Variants in STK32B observed in about 807,000 individuals in gnomAD.
The protein encoded by STK32B is serine/threonine-protein kinase 32B.
A neutral mutation model predicts 52.6 loss-of-function variants in STK32B; 43 were observed. The observed-to-expected ratio is 0.82, with a 90% confidence interval of 0.64 to 1.05. The LOEUF is 1.05. Ranked by LOEUF, STK32B falls within the 50% of genes least tolerant of loss-of-function variation. The pLI, the probability that STK32B is intolerant of heterozygous loss-of-function variation, is 0.00. For missense variants in STK32B, 621 were observed against 534.6 expected (o/e 1.16, Z -1.59); for synonymous variants, 238 against 204.3 (o/e 1.17, Z -1.41).
chr4:5,030,381 G>A, the STK32B span, among the ~76,000 whole-genome samples: 1 of 152,180 alleles, frequency 6.6e-6, no homozygotes, highest in African/African-American at 2.4e-5. Context: ...GACCTAGCAT[G>A]GATACTGAAT....
intron 2 of STK32B, among the ~76,000 whole-genome samples, chr4:5,153,669 T>C (rs1388735251): frequency 6.6e-6 from 1 of 152,176 alleles, no homozygotes; most frequent in Non-Finnish European, 1.5e-5. Flanking sequence ...GCCACACCTA[T>C]ACACATCAAC....
intron 3 of STK32B, among the ~76,000 whole-genome samples, chr4:5,313,550 A>G (rs1730456528): frequency 6.6e-6 from 1 of 152,138 alleles, no homozygotes; most frequent in Non-Finnish European, 1.5e-5. Flanking sequence ...AGATTAGAAA[A>G]GAGAAAATAG....
intron 4 of STK32B, among the ~76,000 whole-genome samples, chr4:5,393,799 T>G (rs991139332): frequency 3.3e-5 from 5 of 152,130 alleles, no homozygotes; most frequent in Non-Finnish European, 1.5e-5. Flanking sequence ...ATCCAAACCC[T>G]ATCACTCACC....
chr4:5,083,927 G>T (rs1268801750), intron 1 of STK32B, among the ~76,000 whole-genome samples: 1 of 152,090 alleles, frequency 6.6e-6, no homozygotes, highest in Non-Finnish European at 1.5e-5. Context: ...GTAGAGATAG[G>T]GTTTTTACCT....
At position 5,123,897 on chromosome 4, in the gene STK32B, C is replaced by A. The variant is rs570326262; in HGVS notation, c.53-16008C>A. ...TCTCCTCATCCTCATGTCATTTCACCTTTTCACCATCCTCCCTCCTGCCTT... is the reference window on the plus strand; with the variant it reads ...TCTCCTCATCCTCATGTCATTTCACATTTTCACCATCCTCCCTCCTGCCTT... On this transcript the variant is annotated intron_variant, in intron 1 of 11. Transcript: ENST00000282908. Among the ~76,000 whole-genome samples, 26 of 152,192 alleles carry A rather than the reference C, an allele frequency of 1.7e-4. 1 individual carries two copies. In the East Asian group the frequency reaches 3.1e-3, roughly 18 times the overall value.
intron 3 of STK32B, among the ~76,000 whole-genome samples, chr4:5,205,984 C>G (rs1461131439): frequency 1.3e-5 from 2 of 152,172 alleles, no homozygotes; most frequent in South Asian, 2.1e-4. Context: ...ATTCTTGGCA[C>G]CAGGTGCCCT....
the STK32B span, among the ~76,000 whole-genome samples, chr4:5,022,014 C>T: frequency 2.6e-5 from 4 of 152,120 alleles, no homozygotes; most frequent in African/African-American, 9.7e-5. Flanking sequence ...TGCTGATTCC[C>T]AGGGCAGGTG....
rs1339339360 is a variant in STK32B at position 5,492,685 on chromosome 4, C to G, written c.1107-6260C>G. On this transcript the variant is annotated intron_variant, in intron 11 of 11. Transcript: ENST00000282908. ...CAAAGGGAATGCTTCCAGTTTTTGC[C>G]CATTCAGTATGATATTGGCTGTGGG... Among the ~76,000 whole-genome samples, 3 of 150,866 alleles carry G rather than the reference C, an allele frequency of 2.0e-5. No individual in the cohort carries two copies. The South Asian group carries it at 6.3e-4, about 31-fold the overall frequency.
chr4:5,165,717 C>T (rs1179351283), intron 2 of STK32B, among the ~76,000 whole-genome samples: 1 of 152,192 alleles, frequency 6.6e-6, no homozygotes, highest in African/African-American at 2.4e-5. Context: ...CCCACAAAGC[C>T]AGGACCCCTG....
At position 5,359,726 on chromosome 4, in the gene STK32B, A is replaced by C. The variant is rs188141858; in HGVS notation, c.434+28333A>C. On this transcript the variant is annotated intron_variant, in intron 4 of 11. Transcript: ENST00000282908. The stretch of plus-strand genomic sequence containing the variant: ...AGGAACTGAGGGGTGAGGTGGCAAC[A>C]TTTCCAGGCGGAGGTATGGAGGCTC... 3.6e-4 allele frequency among the ~76,000 whole-genome samples: 55 copies of C among 152,214 alleles called. 1 individual carries two copies. The East Asian group carries it at 4.4e-3, about 12-fold the overall frequency.
intron 3 of STK32B, among the ~76,000 whole-genome samples, chr4:5,234,843 A>AT (rs1724517521): frequency 1.3e-5 from 2 of 152,372 alleles, no homozygotes; most frequent in South Asian, 2.1e-4. Flanking sequence ...GTTGGGATAC[A>AT]TTTTTCTAAG....
chr4:5,337,191 G>A (rs567465086), intron 4 of STK32B, among the ~76,000 whole-genome samples: 4 of 150,494 alleles, frequency 2.7e-5, no homozygotes, highest in South Asian at 2.1e-4. Context: ...GTTTCAGCAC[G>A]TTACCCGGGG....
chr4:5,174,062 T>C (rs916672244), intron 3 of STK32B, among the ~76,000 whole-genome samples: 1 of 152,188 alleles, frequency 6.6e-6, no homozygotes, highest in Non-Finnish European at 1.5e-5. Flanking sequence ...GTAATGGCCT[T>C]CTTTGTCTCT....
chr4:5,201,526 A>T (rs1337388281), intron 3 of STK32B, among the ~76,000 whole-genome samples: 1 of 152,204 alleles, frequency 6.6e-6, no homozygotes, highest in Non-Finnish European at 1.5e-5. Flanking sequence ...AAGAAAGGAG[A>T]AGAGCAGAAA....
intron 6 of STK32B, among the ~76,000 whole-genome samples, chr4:5,429,225 A>G (rs375629091): frequency 6.3e-5 from 9 of 143,278 alleles, no homozygotes; most frequent in East Asian, 2.1e-4. Context: ...CTTGTAGGCA[A>G]TCTTTTAAAT....
At chr4:5,020,346 G>C in the STK32B span, among the ~76,000 whole-genome samples, 1 of 152,214 alleles carries the variant, frequency 6.6e-6, no homozygotes, top group Non-Finnish European at 1.5e-5. Flanking sequence ...GATGAGGCTG[G>C]TGAGAGTGGC....
At chr4:5,074,654 G>A (rs1711974923) in intron 1 of STK32B, among the ~76,000 whole-genome samples, 1 of 152,002 alleles carries the variant, frequency 6.6e-6, no homozygotes, top group Non-Finnish European at 1.5e-5. Flanking sequence ...ATATTAGCTA[G>A]CATTATCATT....
the STK32B span, among the ~76,000 whole-genome samples, chr4:5,024,460 C>T: frequency 7.0e-4 from 107 of 152,324 alleles, no homozygotes; most frequent in Non-Finnish European, 1.3e-3. Context: ...TGTACTAAAT[C>T]TCTTAATATC....
intron 3 of STK32B, among the ~76,000 whole-genome samples, chr4:5,304,516 T>A (rs1309719706): frequency 3.3e-5 from 5 of 152,002 alleles, no homozygotes; most frequent in Non-Finnish European, 5.9e-5. Context: ...AGCTACTGAT[T>A]TACATACATT....
Sources: allele counts gnomAD v4.1 joint callset (sites outside exome capture counted in the v4.1 genomes callset), GRCh38; gene constraint gnomAD v4.1.1; transcripts MANE v1.5; gene names NCBI Gene and HGNC (gene_info 2026-07-23, HGNC 2026-07-21).